Variants in PCDH10 observed in about 807,000 individuals in gnomAD.
The protein encoded by PCDH10 is protocadherin 10, also known as protocadherin-10.
PCDH10 carries 15 observed loss-of-function variants against 74.4 expected under a neutral mutation model. The ratio of observed to expected loss-of-function variants is 0.20; its 90% CI spans 0.13 to 0.31. PCDH10 has a LOEUF of 0.31. PCDH10 is among the 10% of genes least tolerant of loss of function. PCDH10 has a pLI of 1.00. For missense variants in PCDH10, 1,260 were observed against 1,390.2 expected (o/e 0.91, Z 1.49); for synonymous variants, 619 against 589.8 (o/e 1.05, Z -0.72).
downstream of PCDH10, among the ~76,000 whole-genome samples, chr4:133,196,644 A>C (rs1192445617): frequency 6.6e-6 from 1 of 152,184 alleles, no homozygotes; most frequent in Non-Finnish European, 1.5e-5. Flanking sequence ...CCCAGACAGG[A>C]AAGTGGTTTG....
intron 4 of PCDH10, among the ~76,000 whole-genome samples, chr4:133,168,015 A>G (rs1387780142): frequency 6.6e-6 from 1 of 151,216 alleles, no homozygotes; most frequent in Admixed American, 6.6e-5. Flanking sequence ...ATTTTATTGT[A>G]TTTGGTGAAT....
intron 4 of PCDH10, among the ~76,000 whole-genome samples, chr4:133,189,535 A>G (rs1247300253): frequency 6.6e-6 from 1 of 152,034 alleles, no homozygotes; most frequent in Non-Finnish European, 1.5e-5. Context: ...TAATTCCTTT[A>G]TGAGAAAATG....
intron 4 of PCDH10, among the ~76,000 whole-genome samples, chr4:133,173,036 A>G (rs1727230252): frequency 6.6e-6 from 1 of 152,086 alleles, no homozygotes; most frequent in East Asian, 1.9e-4. Context: ...GCTTTTATAG[A>G]AACAAATATT....
intron 2 of PCDH10, among the ~76,000 whole-genome samples, chr4:133,205,429 C>G (rs1211707657): frequency 6.6e-6 from 1 of 152,084 alleles, no homozygotes; most frequent in Non-Finnish European, 1.5e-5. Context: ...TCCCCCAGCT[C>G]CTTTGTAAAC....
chr4:133,177,960 G>A (rs1727329565), intron 4 of PCDH10, among the ~76,000 whole-genome samples: 2 of 152,148 alleles, frequency 1.3e-5, no homozygotes, highest in Admixed American at 1.3e-4. Context: ...CACTATCTGT[G>A]TGATTTTTAA....
At chr4:133,152,993 C>T (rs1726774832) in intron 1 of PCDH10, 20 of 1,441,686 alleles carry the variant, frequency 1.4e-5, no homozygotes, top group Non-Finnish European at 1.8e-5. Flanking sequence ...ATTCCGTCCC[C>T]TTGGTACTTT....
chr4:133,187,543 G>C (rs1560715082), intron 4 of PCDH10, among the ~76,000 whole-genome samples: 1 of 151,934 alleles, frequency 6.6e-6, no homozygotes, highest in East Asian at 1.9e-4. Flanking sequence ...ACTTAGATCA[G>C]ATCTAAGTTC....
At chr4:133,156,559 C>T (rs562965361) in intron 3 of PCDH10, among the ~76,000 whole-genome samples, 1 of 152,324 alleles carries the variant, frequency 6.6e-6, no homozygotes, top group Admixed American at 6.5e-5. Flanking sequence ...TCTTTAAAAA[C>T]TGTACATTTA....
chr4:133,183,287 C>G (rs1727459541), intron 4 of PCDH10, among the ~76,000 whole-genome samples: 1 of 151,984 alleles, frequency 6.6e-6, no homozygotes, highest in Non-Finnish European at 1.5e-5. Flanking sequence ...AAGATATTTC[C>G]TGGTGAAACA....
At chr4:133,170,550 T>G (rs1339799952) in intron 4 of PCDH10, among the ~76,000 whole-genome samples, 1 of 152,208 alleles carries the variant, frequency 6.6e-6, no homozygotes, top group African/African-American at 2.4e-5. Flanking sequence ...ATTATATCTA[T>G]CGAACAGACT....
intron 4 of PCDH10, among the ~76,000 whole-genome samples, chr4:133,165,628 A>AGT (rs141729383): frequency 0.046 from 6,909 of 151,838 alleles, 378 homozygotes; most frequent in East Asian, 0.27. Context: ...AAAGTTGTAG[A>AGT]GTTTTTTTGC....
At chr4:133,168,594 T>C (rs1727136285) in intron 4 of PCDH10, among the ~76,000 whole-genome samples, 1 of 151,672 alleles carries the variant, frequency 6.6e-6, no homozygotes, top group Non-Finnish European at 1.5e-5. Flanking sequence ...ATAAGTACTA[T>C]GTTTTGCAAC....
intron 4 of PCDH10, among the ~76,000 whole-genome samples, chr4:133,172,344 C>A (rs1168956254): frequency 2.0e-5 from 3 of 151,962 alleles, no homozygotes; most frequent in African/African-American, 7.2e-5. Context: ...CCATAATTTT[C>A]TCACATATAC....
chr4:133,191,870 A>G lies in PCDH10; in HGVS notation c.*1710A>G. On this transcript the variant is annotated 3_prime_UTR_variant, in exon 5 of 5. Coordinates refer to ENST00000264360, the MANE Select transcript of PCDH10 (RefSeq NM_032961.3). ...GCTGCACTGTGTTATTAAAGAATAG[A>G]CTAAAACTTAACATTTGACAAATGT... 6.6e-6 allele frequency: 1 copy of G among 151,746 alleles called. No homozygotes were observed. Among genetic ancestry groups the G allele is most frequent in the South Asian group, 2.1e-4 (1 of 4,828 alleles). 9.4% of individuals were successfully genotyped at this position (151,746 alleles called of 1,614,324 possible).
chr4:133,180,666 A>G (rs1381488917), intron 4 of PCDH10, among the ~76,000 whole-genome samples: 1 of 152,000 alleles, frequency 6.6e-6, no homozygotes, highest in Non-Finnish European at 1.5e-5. Context: ...ATTAATTAAA[A>G]TTTGAACTTT....
rs199735732 is a variant in PCDH10 at position 133,163,034 on chromosome 4, G to C, written c.2855G>C (p.Arg952Pro). ...EECKALGHSD[R>P]CWMPSFVPSD... ...TGTAAAGCTCTGGGCCACTCAGATCGGTGCTGGATGCCTTCTTTTGTCCCT... is the reference window on the plus strand; with the variant it reads ...TGTAAAGCTCTGGGCCACTCAGATCCGTGCTGGATGCCTTCTTTTGTCCCT... Residue 952 changes from arginine (R) to proline (P), a missense_variant, in exon 4 of 5, where the codon CGG (arginine) becomes CCG (proline). Physicochemically the swap from Arg to Pro is moderately radical, Grantham distance 103. Transcript: ENST00000264360. 1 of 1,614,076 alleles carries C rather than the reference G, an allele frequency of 6.2e-7. No homozygotes were observed. The highest frequency in any genetic ancestry group is 1.3e-5 in the African/African-American group (1 of 75,010).
At chr4:133,174,471 G>A (rs1727254205) in intron 4 of PCDH10, among the ~76,000 whole-genome samples, 1 of 151,776 alleles carries the variant, frequency 6.6e-6, no homozygotes, top group African/African-American at 2.4e-5. Context: ...ACTACCTACT[G>A]AGTGTCCATT....
In PCDH10 at chr4:133,194,251, G is replaced by C. The variant is rs1472418718; in HGVS notation, c.*4091G>C. On this transcript the variant is annotated 3_prime_UTR_variant, in exon 5 of 5. Coordinates refer to ENST00000264360, the MANE Select transcript of PCDH10 (RefSeq NM_032961.3). ...TTCTTGAAAAGTTGTCACATGCTTAGTTTGAAGTTTTACTCTCCAGATGTT... is the reference window on the plus strand; with the variant it reads ...TTCTTGAAAAGTTGTCACATGCTTACTTTGAAGTTTTACTCTCCAGATGTT... The C allele has an allele frequency of 2.0e-5, 3 of 151,782 alleles. No individual in the cohort carries two copies. Among genetic ancestry groups the C allele is most frequent in the Non-Finnish European group, 4.4e-5 (3 of 67,764 alleles). 9.4% of individuals were successfully genotyped at this position (151,782 alleles called of 1,614,324 possible). A position where few individuals can be genotyped will look rare whatever the true frequency, so the allele number is the denominator to read the frequency against.
intron 4 of PCDH10, among the ~76,000 whole-genome samples, chr4:133,170,813 C>T (rs928678847): frequency 7.3e-6 from 1 of 136,480 alleles, no homozygotes; most frequent in Non-Finnish European, 1.5e-5. Flanking sequence ...CTGCATCAGC[C>T]TCCCGAGTAG....
Sources: allele counts gnomAD v4.1 joint callset (sites outside exome capture counted in the v4.1 genomes callset), GRCh38; gene constraint gnomAD v4.1.1; transcripts MANE v1.5; gene names NCBI Gene and HGNC (gene_info 2026-07-23, HGNC 2026-07-21).